DTNBP1: variants seen among roughly 807,000 people sequenced by gnomAD.
The protein encoded by DTNBP1 is dysbindin.
A neutral mutation model predicts 42.8 loss-of-function variants in DTNBP1; 35 were observed. That is an observed-to-expected ratio of 0.82 (90% CI 0.63 to 1.09). DTNBP1 has a LOEUF of 1.09. DTNBP1 is among the 50% of genes least tolerant of loss of function. The pLI is 0.00. For missense variants in DTNBP1, 457 were observed against 424.2 expected (o/e 1.08, Z -0.68); for synonymous variants, 171 against 162.2 (o/e 1.05, Z -0.41).
chr6:15,662,516 T>G (rs943825358), intron 1 of DTNBP1, among the ~76,000 whole-genome samples: 10 of 152,200 alleles, frequency 6.6e-5, no homozygotes, highest in African/African-American at 2.4e-4. Flanking sequence ...GCCCAGCTGA[T>G]GCTGCCGGGA....
chr6:15,660,333 T>C (rs1761531448), intron 1 of DTNBP1: 4 of 1,288,918 alleles, frequency 3.1e-6, no homozygotes, highest in Non-Finnish European at 3.0e-6. Context: ...GATCTCAAGC[T>C]GAATATGGAA....
intron 7 of DTNBP1, among the ~76,000 whole-genome samples, chr6:15,584,057 C>A (rs921443255): frequency 6.6e-6 from 1 of 152,024 alleles, no homozygotes; most frequent in Admixed American, 6.6e-5. Flanking sequence ...AATTAACAAA[C>A]AGGATATAAA....
chr6:15,550,227 T>C (rs1162705178), intron 7 of DTNBP1, among the ~76,000 whole-genome samples: 2 of 152,236 alleles, frequency 1.3e-5, no homozygotes, highest in Non-Finnish European at 2.9e-5. Flanking sequence ...TTTCCACTCA[T>C]ACTGCCTTGA....
chr6:15,546,135 G>A lies in DTNBP1; in HGVS notation c.512-12740C>T, dbSNP rs570252479. On this transcript the variant is annotated intron_variant, in intron 7 of 9. Coordinates refer to ENST00000344537, the MANE Select transcript of DTNBP1 (RefSeq NM_032122.5). ...GGCTGGAGTGCAATGGTGCGATCTC[G>A]GCTCACCGCAACCTCCGCCTCCAGG... The A allele has an allele frequency of 1.9e-5, 7 of 372,852 alleles. No homozygotes were observed. The East Asian group carries it at 3.8e-4, about 20-fold the overall frequency. 23.1% of individuals were successfully genotyped at this position (372,852 alleles called of 1,614,324 possible). A position where few individuals can be genotyped will look rare whatever the true frequency, so the allele number is the denominator to read the frequency against.
chr6:15,545,511 C>T (rs1053967137), intron 7 of DTNBP1, among the ~76,000 whole-genome samples: 3 of 152,168 alleles, frequency 2.0e-5, no homozygotes, highest in African/African-American at 7.2e-5. Context: ...ACACCCTTTA[C>T]ACACATTAAT....
At chr6:15,548,527 G>A (rs1469791583) in intron 7 of DTNBP1, among the ~76,000 whole-genome samples, 4 of 151,234 alleles carry the variant, frequency 2.6e-5, no homozygotes, top group South Asian at 2.1e-4. Flanking sequence ...CAGGAAGGAC[G>A]TTTTTTGCCA....
At chr6:15,620,295 T>C (rs557740489) in intron 5 of DTNBP1, among the ~76,000 whole-genome samples, 14 of 152,320 alleles carry the variant, frequency 9.2e-5, no homozygotes, top group African/African-American at 3.1e-4. Context: ...TTAAAGAATG[T>C]CATAAATGGT....
chr6:15,621,477 C>A (rs1430669256), intron 5 of DTNBP1, among the ~76,000 whole-genome samples: 2 of 152,242 alleles, frequency 1.3e-5, no homozygotes, highest in South Asian at 4.1e-4. Context: ...ACGTGGGGAC[C>A]AGATGAAAAC....
chr6:15,657,791 A>T (rs1761370612), intron 1 of DTNBP1, among the ~76,000 whole-genome samples: 2 of 152,242 alleles, frequency 1.3e-5, no homozygotes, highest in African/African-American at 2.4e-5. Context: ...CAAATTAATT[A>T]AGCAAAGCAT....
chr6:15,564,788 G>A (rs1329399176), intron 7 of DTNBP1, among the ~76,000 whole-genome samples: 1 of 151,782 alleles, frequency 6.6e-6, no homozygotes, highest in African/African-American at 2.4e-5. Flanking sequence ...TAAAACAGAT[G>A]CTCAACATCA....
At chr6:15,535,425 T>C (rs1773167345) in intron 7 of DTNBP1, among the ~76,000 whole-genome samples, 1 of 151,886 alleles carries the variant, frequency 6.6e-6, no homozygotes, top group East Asian at 1.9e-4. Flanking sequence ...CAAGCAATTA[T>C]TGTGCCTCAG....
intron 7 of DTNBP1, among the ~76,000 whole-genome samples, chr6:15,580,006 A>T (rs777069322): frequency 6.6e-6 from 1 of 152,246 alleles, no homozygotes. Flanking sequence ...ATTTGAATAA[A>T]AAATATTACA....
chr6:15,589,977 GGA>G (rs1266309514), intron 7 of DTNBP1, among the ~76,000 whole-genome samples: 1 of 152,110 alleles, frequency 6.6e-6, no homozygotes, highest in African/African-American at 2.4e-5. Flanking sequence ...TGCCAAGGCT[GGA>G]GTGCAGTGGC....
chr6:15,595,101 A>G (rs1776457180), intron 6 of DTNBP1: 1 of 456,116 alleles, frequency 2.2e-6, no homozygotes, highest in Admixed American at 2.4e-5. Flanking sequence ...ACACAGCGTC[A>G]TGACCCACAA....
At chr6:15,523,921 A>G in intron 9 of DTNBP1, 1 of 1,287,326 alleles carries the variant, frequency 7.8e-7, no homozygotes, top group African/African-American at 1.5e-5. Flanking sequence ...TGCTGGGACG[A>G]CTGAGCTTTG....
At position 15,637,820 on chromosome 6, in the gene DTNBP1, A is replaced by C. The variant is rs778548409; in HGVS notation, c.162-16T>G. The C allele has an allele frequency of 1.9e-6, 3 of 1,608,908 alleles. No individual in the cohort carries two copies. The highest frequency in any genetic ancestry group is 2.5e-6 in the Non-Finnish European group (3 of 1,178,188). On this transcript the variant is annotated splice_polypyrimidine_tract_variant and intron_variant, in intron 3 of 9. Coordinates refer to ENST00000344537, the MANE Select transcript of DTNBP1 (RefSeq NM_032122.5). ...ATCCTCATACCTAAAAAAAAGCAAA[A>C]AATAATTTGAAATGCAAACCACACA...
chr6:15,538,742 G>GA (rs769332545), intron 7 of DTNBP1, among the ~76,000 whole-genome samples: 63 of 152,300 alleles, frequency 4.1e-4, no homozygotes, highest in Non-Finnish European at 8.2e-4. Context: ...GTCTGTGGCA[G>GA]ACACCCTGCT....
chr6:15,574,511 T>C (rs1397701272), intron 7 of DTNBP1, among the ~76,000 whole-genome samples: 1 of 152,214 alleles, frequency 6.6e-6, no homozygotes, highest in Non-Finnish European at 1.5e-5. Context: ...ATCCATATAA[T>C]TTTAGATGCC....
At chr6:15,585,064 AATATATATATAT>A (rs59261831) in intron 7 of DTNBP1, among the ~76,000 whole-genome samples, 2,695 of 119,470 alleles carry the variant, frequency 0.023, 134 homozygotes, top group African/African-American at 0.044. Context: ...TTATGAAAAG[AATATATATATAT>A]ATATATATAT....
Sources: gnomAD v4.1 joint callset for allele counts (sites outside exome capture counted in the v4.1 genomes callset) on GRCh38, gnomAD v4.1.1 for gene constraint, MANE v1.5 for transcripts, NCBI Gene and HGNC (gene_info 2026-07-23, HGNC 2026-07-21) for gene names.